The following GSDME variants were observed in gnomAD, a reference collection of about 807,000 sequenced individuals.
GSDME encodes the protein gasdermin-E.
Under a neutral mutation model 47.5 loss-of-function variants are expected in GSDME, and 44 were observed. The observed-to-expected ratio is 0.93, with a 90% CI of 0.73 to 1.19. The LOEUF (loss-of-function observed/expected upper bound fraction) is 1.19, where lower values mean the gene tolerates loss of function less well. Among genes scored for constraint, GSDME ranks in the 50% most tolerant of loss-of-function variants. The pLI, the probability that GSDME is intolerant of heterozygous loss-of-function variation, is 0.00. For synonymous variants in GSDME, 258 were observed against 252.8 expected, an observed-to-expected ratio of 1.02 and a Z score of -0.20; for missense variants, 663 against 604.2, an observed-to-expected ratio of 1.10 and a Z score of -1.02.
In GSDME at chr7:24,744,158, T is replaced by C; in HGVS notation, c.404+404A>G. 4.4e-6 allele frequency: 1 copy of C among 225,336 alleles called. No individual in the cohort carries two copies. Among genetic ancestry groups the C allele is most frequent in the African/African-American group, 2.3e-5 (1 of 43,276 alleles). 14.0% of individuals were successfully genotyped at this position (225,336 alleles called of 1,614,324 possible). On this transcript the variant is annotated intron_variant, in intron 3 of 9. Coordinates refer to ENST00000645220, the MANE Select transcript of GSDME (RefSeq NM_001127453.2). The surrounding 1 kb of genome is among the most constrained non-coding windows in gnomAD (Gnocchi z 4.5). ...TGAAAAGAGCTCTTATTTTTGAACT[T>C]TTTTACGCGCCTCTCACTTGCTTTC...
In GSDME at chr7:24,714,188, G is replaced by C. The variant is rs968878759; in HGVS notation, c.697+3066C>G. Among the ~76,000 whole-genome samples the C allele has an allele frequency of 6.6e-6, 1 of 152,194 alleles. No homozygotes were observed. Among genetic ancestry groups the C allele is most frequent in the Non-Finnish European group, 1.5e-5 (1 of 68,034 alleles). On this transcript the variant is annotated intron_variant, in intron 5 of 9. Coordinates refer to ENST00000645220, the MANE Select transcript of GSDME (RefSeq NM_001127453.2). This position sits in a 1 kb window ranked among gnomAD's most constrained non-coding sequence, Gnocchi z 5.0. ...AGTGTCTCCTGAGAGGGGAGCTGTGGGTGAAGGAAAGGGTCTCATTGCAGC... is the reference window on the plus strand; with the variant it reads ...AGTGTCTCCTGAGAGGGGAGCTGTGCGTGAAGGAAAGGGTCTCATTGCAGC...
the GSDME span, among the ~76,000 whole-genome samples, chr7:24,795,382 C>T: frequency 2.6e-5 from 4 of 152,194 alleles, no homozygotes; most frequent in Non-Finnish European, 5.9e-5. Context: ...CAAAACCCCT[C>T]AGACACCGAG....
the GSDME span, among the ~76,000 whole-genome samples, chr7:24,772,986 G>A: frequency 2.0e-5 from 3 of 152,136 alleles, no homozygotes; most frequent in Non-Finnish European, 2.9e-5. The surrounding 1 kb of genome is among the most constrained non-coding windows in gnomAD (Gnocchi z 4.5). Context: ...GTTGGGGTGA[G>A]GTAGATGTAG....
chr7:24,730,723 G>A lies in GSDME; in HGVS notation c.405-11505C>T, dbSNP rs577153097. On this transcript the variant is annotated intron_variant, in intron 3 of 9. Transcript: ENST00000645220. ...CCAGCTACTTGGGAGGCTGAGGCGG[G>A]AGAATTGCTTGAACCCAGGAAGCGG... 5.3e-5 allele frequency among the ~76,000 whole-genome samples: 8 copies of A among 152,318 alleles called. No homozygotes were observed. In the South Asian group the frequency reaches 8.3e-4, roughly 16 times the overall value.
intron 3 of GSDME, among the ~76,000 whole-genome samples, chr7:24,723,838 C>T (rs112300328): frequency 3.3e-5 from 5 of 152,280 alleles, no homozygotes; most frequent in African/African-American, 1.2e-4. Context: ...TGTAACCAGA[C>T]CAGTAGATGG....
the GSDME span, among the ~76,000 whole-genome samples, chr7:24,766,516 A>G: frequency 6.6e-6 from 1 of 151,962 alleles, no homozygotes; most frequent in South Asian, 2.1e-4. The surrounding 1 kb of genome is among the most constrained non-coding windows in gnomAD (Gnocchi z 4.2). Flanking sequence ...ATGTGTTCTC[A>G]TTGTTCAACT....
chr7:24,707,640 T>C, intron 7 of GSDME: 1 of 354,888 alleles, frequency 2.8e-6, no homozygotes, highest in Non-Finnish European at 5.4e-6. Flanking sequence ...GGGTGGGCCC[T>C]AAATCCAATG....
intron 1 of GSDME, among the ~76,000 whole-genome samples, chr7:24,755,885 C>T (rs1791000407): frequency 6.6e-6 from 1 of 152,172 alleles, no homozygotes; most frequent in Non-Finnish European, 1.5e-5. Context: ...GGAGACGAAA[C>T]ATGGCTGTAC....
At chr7:24,708,324 T>C in intron 6 of GSDME, 70 bp from the exon 7 acceptor site, 16 of 1,574,416 alleles carry the variant, frequency 1.0e-5, no homozygotes, top group Non-Finnish European at 1.3e-5. Context: ...CAGCAACTCC[T>C]GCTTTTTATA....
Position 24,728,291 on chromosome 7 carries a change from C to T in GSDME, c.405-9073G>A, listed in dbSNP as rs934598734. On this transcript the variant is annotated intron_variant, in intron 3 of 9. Coordinates refer to ENST00000645220, the MANE Select transcript of GSDME (RefSeq NM_001127453.2). This position sits in a 1 kb window ranked among gnomAD's most constrained non-coding sequence, Gnocchi z 7.2. ...GAACTTGAGCTGCCAGGACAGATGG[C>T]GGCTGCCACAGGGGCCCACAGAGCC... 1.3e-5 allele frequency among the ~76,000 whole-genome samples: 2 copies of T among 152,168 alleles called. No individual in the cohort carries two copies. The highest frequency in any genetic ancestry group is 2.4e-5 in the African/African-American group (1 of 41,444).
rs959139990 is a variant in GSDME at position 24,756,454 on chromosome 7, T to C, written c.-20+942A>G. ...CTAATGGTCTGGGCTCAACTTCTCCTTTAGAAAAAGAGCTTGGTGGTGGTA... is the reference window on the plus strand; with the variant it reads ...CTAATGGTCTGGGCTCAACTTCTCCCTTAGAAAAAGAGCTTGGTGGTGGTA... On this transcript the variant is annotated intron_variant, in intron 1 of 9. Transcript: ENST00000645220. The surrounding 1 kb of genome is among the most constrained non-coding windows in gnomAD (Gnocchi z 4.2). 3.9e-5 allele frequency among the ~76,000 whole-genome samples: 6 copies of C among 152,160 alleles called. No individual in the cohort carries two copies. Among genetic ancestry groups the C allele is most frequent in the African/African-American group, 1.4e-4 (6 of 41,434 alleles).
rs1215382656 is a variant in GSDME, at chr7:24,732,464, A to C, written c.404+12098T>G. 6.6e-6 allele frequency among the ~76,000 whole-genome samples: 1 copy of C among 152,222 alleles called. No individual in the cohort carries two copies. Among genetic ancestry groups the C allele is most frequent in the South Asian group, 2.1e-4 (1 of 4,834 alleles). ...CTATATAAAAAAGCACCTTCATCAG[A>C]ACCAAAAATCAGGTGAGCAATCACA... On this transcript the variant is annotated intron_variant, in intron 3 of 9. Coordinates refer to ENST00000645220, the MANE Select transcript of GSDME (RefSeq NM_001127453.2). The surrounding 1 kb of genome is among the most constrained non-coding windows in gnomAD (Gnocchi z 4.8).
At chr7:24,778,705 C>T in the GSDME span, among the ~76,000 whole-genome samples, 4 of 152,104 alleles carry the variant, frequency 2.6e-5, no homozygotes, top group Non-Finnish European at 2.9e-5. This position sits in a 1 kb window ranked among gnomAD's most constrained non-coding sequence, Gnocchi z 5.6. Context: ...GGGGCAAGCA[C>T]GGAGGGGTGG....
intron 3 of GSDME, among the ~76,000 whole-genome samples, chr7:24,741,384 A>T (rs1317419011): frequency 6.9e-6 from 1 of 145,362 alleles, no homozygotes; most frequent in Non-Finnish European, 1.5e-5. Context: ...TTCTCCATTT[A>T]AAAAAAAAAA....
chr7:24,704,878 AGGTCTTGCCATGTTCCCTAGGCT>A (rs1448293939), intron 8 of GSDME: 1 of 152,108 alleles, frequency 6.6e-6, no homozygotes, highest in African/African-American at 2.4e-5. Context: ...TGTACAGATG[AGGTCTTGCCATGTTCCCTAGGCT>A]GGTCTTGAAC....
chr7:24,763,160 A>C, the GSDME span, among the ~76,000 whole-genome samples: 11 of 152,178 alleles, frequency 7.2e-5, no homozygotes, highest in African/African-American at 2.7e-4. This position sits in a 1 kb window ranked among gnomAD's most constrained non-coding sequence, Gnocchi z 4.3. Flanking sequence ...AAGCACTTAC[A>C]TCACATAGCG....
the GSDME span, among the ~76,000 whole-genome samples, chr7:24,782,693 A>G: frequency 6.6e-6 from 1 of 152,136 alleles, no homozygotes; most frequent in African/African-American, 2.4e-5. Context: ...ACAGTGTAAA[A>G]CTGTTCCTGT....
chr7:24,775,665 A>G, the GSDME span, among the ~76,000 whole-genome samples: 8 of 151,916 alleles, frequency 5.3e-5, no homozygotes, highest in African/African-American at 1.7e-4. Flanking sequence ...GCTCGAGGTC[A>G]GGAGTTTGAG....
rs189218721 is a variant in GSDME at position 24,729,056 on chromosome 7, G to A, written c.405-9838C>T. 3.0e-4 allele frequency among the ~76,000 whole-genome samples: 45 copies of A among 152,216 alleles called. 1 individual carries two copies. The highest frequency in any genetic ancestry group is 1.0e-3 in the African/African-American group (42 of 41,548). The stretch of plus-strand genomic sequence containing the variant: ...CTAATACCTTATCTTACTCACATAC[G>A]ACGACCCCTGGAAAGAGAAAGGAAA... On this transcript the variant is annotated intron_variant, in intron 3 of 9. Transcript: ENST00000645220.
Sources: gnomAD v4.1 joint callset for allele counts (sites outside exome capture counted in the v4.1 genomes callset) on GRCh38, gnomAD v4.1.1 for gene constraint, Gnocchi (gnomAD v3.1) non-coding constraint, MANE v1.5 for transcripts, NCBI Gene and HGNC (gene_info 2026-07-23, HGNC 2026-07-21) for gene names.